MKX: variants seen among roughly 807,000 people sequenced by gnomAD.
The protein encoded by MKX is homeobox protein Mohawk.
MKX carries 13 observed loss-of-function variants against 36.0 expected under a neutral mutation model. That is an observed-to-expected ratio of 0.36 (90% CI 0.24 to 0.57). The LOEUF is 0.57. MKX is among the 20% of genes least tolerant of loss of function. The probability of loss-of-function intolerance (pLI) is 0.79; values close to 1 mark genes in which losing one functional copy is unlikely to be tolerated. For missense variants in MKX, 458 were observed against 456.4 expected (o/e 1.00, Z -0.03); for synonymous variants, 176 against 178.3 (o/e 0.99, Z 0.10).
intron 5 of MKX, among the ~76,000 whole-genome samples, chr10:27,677,521 C>T (rs1307332710): frequency 3.9e-5 from 6 of 152,072 alleles, no homozygotes; most frequent in Admixed American, 6.5e-5. Flanking sequence ...AAATTATATG[C>T]CCATGAGGCA....
chr10:27,705,620 T>G (rs1394891466), intron 5 of MKX, among the ~76,000 whole-genome samples: 1 of 152,144 alleles, frequency 6.6e-6, no homozygotes. Flanking sequence ...CTCCCAGAGT[T>G]CTGAGAATAC....
intron 4 of MKX, 52 bp from the exon 5 acceptor site, chr10:27,734,843 C>G: frequency 8.7e-7 from 1 of 1,154,336 alleles, no homozygotes; most frequent in South Asian, 1.9e-5. Flanking sequence ...TTTCCCCCAG[C>G]CACCCAACTC....
intron 5 of MKX, among the ~76,000 whole-genome samples, chr10:27,690,924 T>C (rs1207343368): frequency 6.6e-6 from 1 of 152,152 alleles, no homozygotes; most frequent in Non-Finnish European, 1.5e-5. Flanking sequence ...GCTGTTCTCA[T>C]GATAGTGAGG....
chr10:27,702,791 G>A (rs74591204), intron 5 of MKX, among the ~76,000 whole-genome samples: 3,564 of 152,138 alleles, frequency 0.023, 154 homozygotes, highest in African/African-American at 0.081. Context: ...AGGGGTGGGC[G>A]GGGGAAAGGA....
chr10:27,745,141 A>G (rs1325301784), intron 1 of MKX, among the ~76,000 whole-genome samples: 3 of 151,598 alleles, frequency 2.0e-5, no homozygotes, highest in Non-Finnish European at 4.4e-5. Context: ...GAGCCACCCC[A>G]GCGCGTCCTC....
intron 5 of MKX, among the ~76,000 whole-genome samples, chr10:27,708,998 G>A (rs111927717): frequency 0.023 from 3,555 of 151,654 alleles, 148 homozygotes; most frequent in African/African-American, 0.081. Flanking sequence ...GTGAAACCCC[G>A]TCTGTACTAA....
In MKX at chr10:27,744,028, T is replaced by TG. The variant is rs1834987437; in HGVS notation, c.-82-532dup. 6.6e-6 allele frequency among the ~76,000 whole-genome samples: 1 copy of TG among 152,080 alleles called. No homozygotes were observed. Among genetic ancestry groups the TG allele is most frequent in the Non-Finnish European group, 1.5e-5 (1 of 68,016 alleles). On this transcript the variant is annotated intron_variant, in intron 1 of 6. Coordinates refer to ENST00000419761, the MANE Select transcript of MKX (RefSeq NM_173576.3). The surrounding 1 kb of genome is among the most constrained non-coding windows in gnomAD (Gnocchi z 5.6). The stretch of plus-strand genomic sequence containing the variant: ...ATGAGTCCCAGGCCATACCGGGATT[T>TG]GGGGGATTTTCGTGTTTTCTAGATC...
At chr10:27,697,142 A>G (rs2132519642) in intron 5 of MKX, among the ~76,000 whole-genome samples, 1 of 152,344 alleles carries the variant, frequency 6.6e-6, no homozygotes, top group Non-Finnish European at 1.5e-5. Flanking sequence ...TGACAATCCC[A>G]AAACTTCTTC....
Position 27,742,182 on chromosome 10 carries a change from T to A in MKX, c.189-678A>T, listed in dbSNP as rs1235539268. The stretch of plus-strand genomic sequence containing the variant: ...AAGTACGGCAAGCTCTGTCCCATCA[T>A]GTAAGGTAAAAAGACCTCAGGAAAA... On this transcript the variant is annotated intron_variant, in intron 2 of 6. Transcript: ENST00000419761. This position sits in a 1 kb window ranked among gnomAD's most constrained non-coding sequence, Gnocchi z 4.2. Among the ~76,000 whole-genome samples, 1 of 152,124 alleles carries A rather than the reference T, an allele frequency of 6.6e-6. No individual in the cohort carries two copies. Among genetic ancestry groups the A allele is most frequent in the South Asian group, 2.1e-4 (1 of 4,836 alleles).
chr10:27,706,072 T>C (rs1412887444), intron 5 of MKX, among the ~76,000 whole-genome samples: 1 of 152,074 alleles, frequency 6.6e-6, no homozygotes, highest in African/African-American at 2.4e-5. Context: ...CACCATTTTT[T>C]TTCTGTCTCT....
intron 5 of MKX, among the ~76,000 whole-genome samples, chr10:27,685,814 A>G (rs1042016622): frequency 6.6e-6 from 1 of 152,220 alleles, no homozygotes; most frequent in Non-Finnish European, 1.5e-5. Context: ...CCCTGAGTGA[A>G]TAACTGCTAA....
intron 5 of MKX, among the ~76,000 whole-genome samples, chr10:27,711,445 TTCTTTCTTTCTTTCTTTCTTTCTTTC>T (rs1564356816): frequency 3.9e-4 from 5 of 12,870 alleles, no homozygotes; most frequent in South Asian, 2.2e-3. Flanking sequence ...CTTTCTTTCT[TTCTTTCTTTCTTTCTTTCTTTCTTTC>T]TTTCTTTCTT....
At chr10:27,711,481 T>TTCTTTCTTTC (rs1554772187) in intron 5 of MKX, among the ~76,000 whole-genome samples, 263 of 17,462 alleles carry the variant, frequency 0.015, 1 homozygote, top group Non-Finnish European at 0.029. Flanking sequence ...CTTTCTTTCT[T>TTCTTTCTTTC]TCTCTCTCTC....
chr10:27,683,655 T>G (rs1836293886), intron 5 of MKX, among the ~76,000 whole-genome samples: 1 of 152,250 alleles, frequency 6.6e-6, no homozygotes, highest in African/African-American at 2.4e-5. Context: ...GGGCCATTAC[T>G]TTGATAGCAG....
intron 5 of MKX, among the ~76,000 whole-genome samples, chr10:27,731,133 CA>C (rs752968438): frequency 0.019 from 1,298 of 68,718 alleles, 6 homozygotes; most frequent in Middle Eastern, 0.062. Context: ...GACTCCATCT[CA>C]AAAAAAAAAA....
intron 4 of MKX, 151 bp from the exon 5 acceptor site, chr10:27,734,942 G>GA (rs1226596917): frequency 2.9e-5 from 15 of 525,324 alleles, no homozygotes; most frequent in African/African-American, 5.9e-5. Flanking sequence ...TTTAGGCAAT[G>GA]AAAGCAAATA....
chr10:27,702,440 A>AT (rs1199389916), intron 5 of MKX, among the ~76,000 whole-genome samples: 1 of 152,168 alleles, frequency 6.6e-6, no homozygotes, highest in Non-Finnish European at 1.5e-5. Flanking sequence ...TGGTTTCTTA[A>AT]AAAGGAAAAG....
In MKX at chr10:27,675,046, T is replaced by A. The variant is rs1049164786; in HGVS notation, c.*183A>T. On this transcript the variant is annotated 3_prime_UTR_variant, in exon 7 of 7. Coordinates refer to ENST00000419761, the MANE Select transcript of MKX (RefSeq NM_173576.3). ...ACATAAAATAAGTTAATATTTTTGA[T>A]TAAAATGAGTTTTTTATAATTTATA... 3 of 502,410 alleles carry A rather than the reference T, an allele frequency of 6.0e-6. No individual in the cohort carries two copies. The highest frequency in any genetic ancestry group is 1.0e-5 in the Non-Finnish European group (3 of 294,006). The allele number at this position is 502,410 out of a possible 1,614,324, so 31.1% of individuals were successfully genotyped here. A position where few individuals can be genotyped will look rare whatever the true frequency, so the allele number is the denominator to read the frequency against.
chr10:27,682,213 G>A (rs1164961927), intron 5 of MKX, among the ~76,000 whole-genome samples: 2 of 152,042 alleles, frequency 1.3e-5, no homozygotes, highest in Non-Finnish European at 2.9e-5. Flanking sequence ...TATAGAATAG[G>A]ATATAAAGAA....
Sources: allele counts gnomAD v4.1 joint callset (sites outside exome capture counted in the v4.1 genomes callset), GRCh38; gene constraint gnomAD v4.1.1; non-coding constraint Gnocchi (gnomAD v3.1); transcripts MANE v1.5; gene names NCBI Gene and HGNC (gene_info 2026-07-23, HGNC 2026-07-21).